Variants in PWWP3A observed in about 807,000 individuals in gnomAD.
The protein encoded by PWWP3A is PWWP domain-containing DNA repair factor 3A.
Under a neutral mutation model 79.0 loss-of-function variants are expected in PWWP3A, and 53 were observed. The ratio of observed to expected loss-of-function variants is 0.67; its 90% CI spans 0.54 to 0.84. The LOEUF (loss-of-function observed/expected upper bound fraction) is 0.84. PWWP3A is among the 40% of genes least tolerant of loss of function. The pLI is 0.00. For missense variants in PWWP3A, 973 were observed against 948.0 expected (o/e 1.03, Z -0.35); for synonymous variants, 443 against 394.4 (o/e 1.12, Z -1.46).
At chr19:1,370,060 T>C (rs1038415765) in intron 11 of PWWP3A, among the ~76,000 whole-genome samples, 3 of 152,062 alleles carry the variant, frequency 2.0e-5, no homozygotes, top group Non-Finnish European at 4.4e-5. Flanking sequence ...CAAGACCCCA[T>C]CTCTACAGAA....
At chr19:1,365,977 A>G (rs1286178510) in intron 7 of PWWP3A, among the ~76,000 whole-genome samples, 1 of 152,206 alleles carries the variant, frequency 6.6e-6, no homozygotes, top group East Asian at 1.9e-4. Flanking sequence ...CACCCAGAGC[A>G]TTAGGAGGAC....
rs2082002558 is a variant in PWWP3A, at chr19:1,360,985, A to G, written c.1064A>G (p.Asp355Gly). The change falls in exon 5 of 14, where the codon GAT becomes GGT. Residue 355 changes from aspartate to glycine, a missense_variant. Coordinates refer to ENST00000591337, the MANE Select transcript of PWWP3A (RefSeq NM_001369789.1). This position sits in a 1 kb window ranked among gnomAD's most constrained non-coding sequence, Gnocchi z 4.4. Reference sequence around the variant, plus strand: ...CCGCCTCCCTCCCACGCCTCTGCGGATGCAACCAGATGTCTTCCTTGCCCG... The same window carrying G: ...CCGCCTCCCTCCCACGCCTCTGCGGGTGCAACCAGATGTCTTCCTTGCCCG... ...LGPPPSHASA[D>G]ATRCLPCPDS... is the part of the protein sequence containing the mutation. The G allele has an allele frequency of 2.1e-6, 3 of 1,445,708 alleles. No individual in the cohort carries two copies. The highest frequency in any genetic ancestry group is 3.0e-5 in the South Asian group (2 of 67,538). 89.6% of individuals were successfully genotyped at this position (1,445,708 alleles called of 1,614,324 possible).
Position 1,360,052 on chromosome 19 carries a change from A to AC in PWWP3A, c.215-83dup. 7.3e-7 allele frequency: 1 copy of AC among 1,366,034 alleles called. No individual in the cohort carries two copies. The highest frequency in any genetic ancestry group is 9.7e-7 in the Non-Finnish European group (1 of 1,032,910). 84.6% of individuals were successfully genotyped at this position (1,366,034 alleles called of 1,614,324 possible). ...GTATGAAACTAGCCGTCAGAATGAG[A>AC]CAAGCGAGCTTCTAAAGCGATGCCG... On this transcript the variant is annotated intron_variant, in intron 4 of 13. Transcript: ENST00000591337. The surrounding 1 kb of genome is among the most constrained non-coding windows in gnomAD (Gnocchi z 4.4).
At chr19:1,361,794 T>G (rs2247675) in intron 5 of PWWP3A, 2 of 162,910 alleles carry the variant, frequency 1.2e-5, no homozygotes, top group African/African-American at 4.8e-5. Context: ...TATCCGCACC[T>G]CTGTCCTGTT....
Position 1,369,196 on chromosome 19 carries a change from C to T in PWWP3A, c.1423-69C>T, listed in dbSNP as rs868699866. 51 of 1,462,360 alleles carry T rather than the reference C, an allele frequency of 3.5e-5. No homozygotes were observed. Among genetic ancestry groups the T allele is most frequent in the South Asian group, 1.4e-4 (12 of 86,120 alleles). 90.6% of individuals were successfully genotyped at this position (1,462,360 alleles called of 1,614,324 possible). A position where few individuals can be genotyped will look rare whatever the true frequency, so the allele number is the denominator to read the frequency against. On this transcript the variant is annotated intron_variant, in intron 9 of 13. Transcript: ENST00000591337. This position sits in a 1 kb window ranked among gnomAD's most constrained non-coding sequence, Gnocchi z 4.0. ...ACACCTGGCTGGTCCCTGGGCTCTG[C>T]GTGGCTTCTGAACCCAGGGTGCTTG...
At position 1,356,413 on chromosome 19, in the gene PWWP3A, C is replaced by T; in HGVS notation, c.21C>T (p.Val7=). Residue 7 remains valine, a synonymous_variant, in exon 2 of 14, where the codon GTC becomes GTT. Transcript: ENST00000591337. ...AAATGATGGCGGATGCCAAGTATGT[C>T]CTCTGCCGATGGGAAAAGCGATTAT... MADAKY[V]LCRWEKRLWP... is the part of the protein sequence containing the mutation. The T allele has an allele frequency of 6.2e-7, 1 of 1,614,106 alleles. No homozygotes were observed. The highest frequency in any genetic ancestry group is 8.5e-7 in the Non-Finnish European group (1 of 1,180,000).
At chr19:1,356,910 G>C in intron 2 of PWWP3A, 99 bp from the exon 3 acceptor site, 1 of 866,780 alleles carries the variant, frequency 1.2e-6, no homozygotes, top group Non-Finnish European at 1.8e-6. Flanking sequence ...CATGGTTATA[G>C]GCCTTCAGGA....
At chr19:1,358,848 T>C in intron 4 of PWWP3A, 1 of 465,790 alleles carries the variant, frequency 2.1e-6, no homozygotes, top group Non-Finnish European at 4.1e-6. Flanking sequence ...CTGGCCAGTC[T>C]GGTCTCAGCC....
At position 1,355,031 on chromosome 19, in the gene PWWP3A, G is replaced by A. The variant is rs2081808175; in HGVS notation, c.-174G>A. The A allele has an allele frequency of 2.7e-5, 4 of 150,464 alleles. No individual in the cohort carries two copies. In the South Asian group the frequency reaches 7.0e-4, roughly 26 times the overall value. 9.3% of individuals were successfully genotyped at this position (150,464 alleles called of 1,614,324 possible). On this transcript the variant is annotated 5_prime_UTR_variant, in exon 1 of 14. Coordinates refer to ENST00000591337, the MANE Select transcript of PWWP3A (RefSeq NM_001369789.1). ...GCGGTGGCGGAGGCGGTGAGCGCGG[G>A]CGGCGCGGACGGCAGCGGTTGGCGG...
Position 1,377,236 on chromosome 19 carries a change from C to T in PWWP3A, c.*660C>T, listed in dbSNP as rs552849592. 4.6e-4 allele frequency: 70 copies of T among 152,718 alleles called. No homozygotes were observed. The Middle Eastern group carries it at 0.017, about 37-fold the overall frequency. The allele number at this position is 152,718 out of a possible 1,614,324, so 9.5% of individuals were successfully genotyped here. On this transcript the variant is annotated 3_prime_UTR_variant, in exon 14 of 14. Coordinates refer to ENST00000591337, the MANE Select transcript of PWWP3A (RefSeq NM_001369789.1). ...CTGTGTGTGAGTGGACCGCAGCGCG[C>T]AGCCACATGCCCTGGCTGCCATGGG...
chr19:1,363,149 G>A (rs1454830624), intron 6 of PWWP3A, among the ~76,000 whole-genome samples: 1 of 152,254 alleles, frequency 6.6e-6, no homozygotes, highest in Non-Finnish European at 1.5e-5. Context: ...AAGCTGGTGC[G>A]TGTGCAGCCT....
In PWWP3A at chr19:1,370,789, C is replaced by A; in HGVS notation, c.1697C>A (p.Ala566Asp). Reference protein sequence around the residue: ...CRKMLPDRSRAARDRANQKLV... With the variant: ...CRKMLPDRSRDARDRANQKLV... Reference sequence around the variant, plus strand: ...AAAATGCTCCCCGACCGCTCGCGGGCCGCCCGGGACCGGGCCAACCAGAAG... The same window carrying A: ...AAAATGCTCCCCGACCGCTCGCGGGACGCCCGGGACCGGGCCAACCAGAAG... Residue 566 changes from alanine to aspartate, a missense_variant, in exon 12 of 14, where the codon GCC (alanine) becomes GAC (aspartate). Physicochemically the swap from Ala to Asp is moderately radical, Grantham distance 126 (BLOSUM62 -2). Coordinates refer to ENST00000591337, the MANE Select transcript of PWWP3A (RefSeq NM_001369789.1). The A allele has an allele frequency of 6.5e-7, 1 of 1,547,922 alleles. No individual in the cohort carries two copies. The highest frequency in any genetic ancestry group is 2.0e-5 in the Admixed American group (1 of 50,746).
chr19:1,366,150 C>T (rs1310632767), intron 7 of PWWP3A, among the ~76,000 whole-genome samples, 155 bp from the exon 8 acceptor site: 2 of 152,222 alleles, frequency 1.3e-5, no homozygotes, highest in Non-Finnish European at 2.9e-5. Context: ...AGCATGGGGC[C>T]GTTTCTCAGC....
Position 1,369,331 on chromosome 19 carries a change from G to A in PWWP3A, c.1489G>A (p.Val497Ile), listed in dbSNP as rs776818352. ...WCVSLITDYRVRLGCGSFAGS... is the reference protein window; with the variant it reads ...WCVSLITDYRIRLGCGSFAGS... The stretch of plus-strand genomic sequence containing the variant: ...TGTCTCCCTCATCACCGACTACAGG[G>A]TCCGGTTAGGTACGTGGGGTGCTGG... The change falls in exon 10 of 14, where the codon GTC becomes ATC. Residue 497 changes from valine to isoleucine, a missense_variant. Coordinates refer to ENST00000591337, the MANE Select transcript of PWWP3A (RefSeq NM_001369789.1). The surrounding 1 kb of genome is among the most constrained non-coding windows in gnomAD (Gnocchi z 4.0). 1.2e-6 allele frequency: 2 copies of A among 1,613,756 alleles called. No individual in the cohort carries two copies. The highest frequency in any genetic ancestry group is 2.2e-5 in the South Asian group (2 of 91,060).
intron 2 of PWWP3A, among the ~76,000 whole-genome samples, chr19:1,356,656 T>TAAA (rs11396582): frequency 2.8e-5 from 4 of 141,634 alleles, no homozygotes; most frequent in Admixed American, 7.0e-5. Flanking sequence ...TTTTTCACAC[T>TAAA]AAAAAAAAAA....
chr19:1,370,412 A>G (rs1206359762), intron 11 of PWWP3A, among the ~76,000 whole-genome samples: 2 of 152,166 alleles, frequency 1.3e-5, no homozygotes, highest in Non-Finnish European at 2.9e-5. Flanking sequence ...TTTCTCTGCT[A>G]TAAGGGTTAA....
chr19:1,360,841 G>A lies in PWWP3A; in HGVS notation c.920G>A (p.Gly307Asp), dbSNP rs1330378400. The change falls in exon 5 of 14, where the codon GGC becomes GAC. Residue 307 changes from glycine to aspartate, a missense_variant. By Grantham distance (94) the Gly-to-Asp change is moderately conservative (BLOSUM62 -1). Transcript: ENST00000591337. This position sits in a 1 kb window ranked among gnomAD's most constrained non-coding sequence, Gnocchi z 4.4. ...CPAKKRPRLD[G>D]SQRPPAVQLE... is the part of the protein sequence containing the mutation. ...GCGAAAAAGAGGCCGCGCCTGGATG[G>A]CAGCCAAAGGCCGCCTGCCGTGCAG... The A allele has an allele frequency of 2.6e-6, 4 of 1,554,648 alleles. No homozygotes were observed. The highest frequency in any genetic ancestry group is 3.5e-6 in the Non-Finnish European group (4 of 1,151,648).
In PWWP3A at chr19:1,360,516, C is replaced by G. The variant is rs894049796; in HGVS notation, c.595C>G (p.Gln199Glu). 4 of 1,614,038 alleles carry G rather than the reference C, an allele frequency of 2.5e-6. No homozygotes were observed. In the African/African-American group the frequency reaches 5.3e-5, roughly 22 times the overall value. The part of the protein sequence containing the change: ...PLVLPAGGGA[Q>E]DESGSRIHHK... Reference sequence around the variant, plus strand: ...GGTCCTCCCAGCTGGAGGTGGTGCCCAAGATGAGAGTGGGTCCAGAATCCA... The same window carrying G: ...GGTCCTCCCAGCTGGAGGTGGTGCCGAAGATGAGAGTGGGTCCAGAATCCA... The change falls in exon 5 of 14, where the codon CAA (glutamine) becomes GAA (glutamate). Residue 199 changes from glutamine (Q) to glutamate (E), a missense_variant. Physicochemically the swap from Gln to Glu is conservative, Grantham distance 29. Transcript: ENST00000591337. This position sits in a 1 kb window ranked among gnomAD's most constrained non-coding sequence, Gnocchi z 4.4.
intron 12 of PWWP3A, 71 bp downstream of exon 12, chr19:1,371,149 G>A (rs1472556716): frequency 6.6e-7 from 1 of 1,507,146 alleles, no homozygotes; most frequent in Non-Finnish European, 9.0e-7. Flanking sequence ...TCCGCACGAG[G>A]AGGCTGCCAC....
Sources: gnomAD v4.1 joint callset for allele counts (sites outside exome capture counted in the v4.1 genomes callset) on GRCh38, gnomAD v4.1.1 for gene constraint, Gnocchi (gnomAD v3.1) non-coding constraint, MANE v1.5 for transcripts, NCBI Gene and HGNC (gene_info 2026-07-23, HGNC 2026-07-21) for gene names.